The following HTR2C variants were observed in gnomAD, a reference collection of about 807,000 sequenced individuals.
HTR2C encodes 5-hydroxytryptamine receptor 2C.
A neutral mutation model predicts 21.0 loss-of-function variants in HTR2C; 5 were observed. That is an observed-to-expected ratio of 0.24 (90% CI 0.12 to 0.50). HTR2C has a LOEUF of 0.50. Ranked by LOEUF, HTR2C falls within the 20% of genes least tolerant of loss-of-function variation. HTR2C has a pLI of 0.98. For missense variants in HTR2C, 271 were observed against 371.2 expected (o/e 0.73, Z 2.22); for synonymous variants, 150 against 145.3 (o/e 1.03, Z -0.23).
At chrX:114,678,808 C>T (rs1334819485) in intron 2 of HTR2C, among the ~76,000 whole-genome samples, 2 of 111,117 alleles carry the variant, frequency 1.8e-5, no homozygotes, top group Admixed American at 9.6e-5. Flanking sequence ...AACTGTTAGC[C>T]TTAAGAGTTC....
At chrX:114,781,810 C>T (rs77661721) in intron 4 of HTR2C, among the ~76,000 whole-genome samples, 818 of 31,657 alleles carry the variant, frequency 0.026, 12 homozygotes, top group African/African-American at 0.071. Context: ...TCAACCCCGC[C>T]GTCTAAAAAA....
At chrX:114,794,356 G>A (rs1294895661) in intron 4 of HTR2C, among the ~76,000 whole-genome samples, 1 of 110,020 alleles carries the variant, frequency 9.1e-6, no homozygotes, top group Non-Finnish European at 1.9e-5. Flanking sequence ...TTACTGCTGA[G>A]TTTAGCCACA....
chrX:114,745,278 G>C (rs2069691541), intron 4 of HTR2C, among the ~76,000 whole-genome samples: 1 of 112,326 alleles, frequency 8.9e-6, no homozygotes, highest in Non-Finnish European at 1.9e-5. Flanking sequence ...AATGACTTGT[G>C]TCCAAAAGAC....
At chrX:114,869,111 G>A (rs1489281764) in intron 5 of HTR2C, among the ~76,000 whole-genome samples, 1 of 110,839 alleles carries the variant, frequency 9.0e-6, no homozygotes, top group African/African-American at 3.3e-5. Context: ...CTGTCCTTGT[G>A]ATAGTTTGCT....
At chrX:114,685,670 TATAGCAGTGGATTATCATAGAGTC>T (rs1931889042) in intron 2 of HTR2C, among the ~76,000 whole-genome samples, 1 of 111,774 alleles carries the variant, frequency 8.9e-6, no homozygotes, top group Non-Finnish European at 1.9e-5. Flanking sequence ...TAAAGCAGGT[TATAGCAGTGGATTATCATAGAGTC>T]ATAGCAGTGG....
At chrX:114,679,048 G>T (rs1320214755) in intron 2 of HTR2C, among the ~76,000 whole-genome samples, 1 of 111,355 alleles carries the variant, frequency 9.0e-6, no homozygotes, top group Non-Finnish European at 1.9e-5. Context: ...CCACACCTTG[G>T]AAACACAGCT....
At chrX:114,828,773 T>A (rs1556459464) in intron 4 of HTR2C, among the ~76,000 whole-genome samples, 1 of 111,770 alleles carries the variant, frequency 8.9e-6, no homozygotes, top group Non-Finnish European at 1.9e-5. Context: ...GTCTCCTATC[T>A]GTCTTTAAGG....
chrX:114,622,595 A>AG (rs1486006433), intron 2 of HTR2C, among the ~76,000 whole-genome samples: 1 of 111,927 alleles, frequency 8.9e-6, no homozygotes, highest in African/African-American at 3.2e-5. Flanking sequence ...CTCTACAAAA[A>AG]GCATGACTAA....
intron 5 of HTR2C, among the ~76,000 whole-genome samples, chrX:114,865,790 G>A: frequency 9.0e-6 from 1 of 110,768 alleles, no homozygotes. Context: ...TATTTGATGT[G>A]TTTATTTCTT....
chrX:114,702,923 A>G (rs1399482161), intron 2 of HTR2C, among the ~76,000 whole-genome samples: 1 of 100,134 alleles, frequency 1.0e-5, no homozygotes, highest in Non-Finnish European at 2.0e-5. Context: ...GTCTCTGATA[A>G]AACAGACTTT....
chrX:114,745,643 A>G (rs1476166264), intron 4 of HTR2C, among the ~76,000 whole-genome samples: 2 of 112,300 alleles, frequency 1.8e-5, no homozygotes, highest in African/African-American at 6.5e-5. Context: ...AAGATTCAGT[A>G]ATTTTCAACA....
At chrX:114,827,187 C>G (rs2070685837) in intron 4 of HTR2C, among the ~76,000 whole-genome samples, 1 of 111,311 alleles carries the variant, frequency 9.0e-6, no homozygotes, top group African/African-American at 3.3e-5. Context: ...AAAATCCAAA[C>G]TGCTCCAATG....
Position 114,826,173 on chromosome X carries a change from TG to T in HTR2C, c.350-21829del, listed in dbSNP as rs368569840. Among the ~76,000 whole-genome samples the T allele has an allele frequency of 5.1e-3, 557 of 108,815 alleles. 4 individuals carry two copies. Among genetic ancestry groups the T allele is most frequent in the African/African-American group, 0.018 (529 of 29,805 alleles). The allele number at this position is 108,815 out of a possible 115,157, so 94.5% of individuals were successfully genotyped here. A position where few individuals can be genotyped will look rare whatever the true frequency, so the allele number is the denominator to read the frequency against. ...GCAGCCTCAAACTCCTAGGCTCAGG[TG>T]ATCCTCCTGCCTCAGCCTCCTGAGT... is the stretch of plus-strand genomic sequence containing the variant. On this transcript the variant is annotated intron_variant, in intron 4 of 5. Coordinates refer to ENST00000276198, the MANE Select transcript of HTR2C (RefSeq NM_000868.4).
intron 4 of HTR2C, among the ~76,000 whole-genome samples, chrX:114,798,576 A>G (rs1320771886): frequency 8.9e-6 from 1 of 111,773 alleles, no homozygotes; most frequent in Non-Finnish European, 1.9e-5. Flanking sequence ...AGAAGGCTGC[A>G]TAACTTAACG....
At chrX:114,595,519 G>A (rs1207113708) in intron 1 of HTR2C, among the ~76,000 whole-genome samples, 4 of 110,431 alleles carry the variant, frequency 3.6e-5, no homozygotes, top group Admixed American at 2.0e-4. Flanking sequence ...CACCATGCTC[G>A]GCCCTAAAAT....
chrX:114,667,349 G>A (rs920601102), intron 2 of HTR2C, among the ~76,000 whole-genome samples: 1 of 110,376 alleles, frequency 9.1e-6, no homozygotes, highest in Non-Finnish European at 1.9e-5. Context: ...TCGAAAAGAG[G>A]GTTTCTATAG....
At chrX:114,869,637 A>T in intron 5 of HTR2C, among the ~76,000 whole-genome samples, 1 of 111,812 alleles carries the variant, frequency 8.9e-6, no homozygotes, top group South Asian at 3.7e-4. Flanking sequence ...TTTCTTTCCA[A>T]TTTGGATGTC....
At chrX:114,677,355 G>C (rs781956989) in intron 2 of HTR2C, among the ~76,000 whole-genome samples, 10 of 111,379 alleles carry the variant, frequency 9.0e-5, no homozygotes, top group Non-Finnish European at 1.9e-4. Flanking sequence ...ATAAAAGGAA[G>C]AGACAGATTC....
At chrX:114,688,864 G>A (rs916706657) in intron 2 of HTR2C, among the ~76,000 whole-genome samples, 2 of 109,989 alleles carry the variant, frequency 1.8e-5, no homozygotes, top group African/African-American at 6.6e-5. Flanking sequence ...CATTTTCTGG[G>A]TACAGGTGGT....
Sources: allele counts gnomAD v4.1 joint callset (sites outside exome capture counted in the v4.1 genomes callset), GRCh38; gene constraint gnomAD v4.1.1; transcripts MANE v1.5; gene names NCBI Gene and HGNC (gene_info 2026-07-23, HGNC 2026-07-21).